PTPN22: variants seen among roughly 807,000 people sequenced by gnomAD.
The protein encoded by PTPN22 is protein tyrosine phosphatase non-receptor type 22.
In PTPN22, 85 loss-of-function variants were observed where a neutral mutation model predicts 103.3. The ratio of observed to expected loss-of-function variants is 0.82; its 90% CI spans 0.69 to 0.99. The LOEUF (loss-of-function observed/expected upper bound fraction) is 0.99, where lower values mean the gene tolerates loss of function less well. Among genes scored for constraint, PTPN22 ranks in the 50% least tolerant of loss-of-function variants. PTPN22 has a pLI of 0.00. For synonymous variants in PTPN22, 323 were observed against 310.2 expected (o/e 1.04, Z -0.43); for missense variants, 865 against 936.9 (o/e 0.92, Z 1.00).
chr1:113,821,329 T>G (rs1407311908), intron 19 of PTPN22, among the ~76,000 whole-genome samples: 2 of 151,926 alleles, frequency 1.3e-5, no homozygotes, highest in African/African-American at 2.4e-5. Flanking sequence ...TTGTTTGTTT[T>G]GGGGTTTTTT....
intron 4 of PTPN22, 63 bp from the exon 5 acceptor site, chr1:113,857,839 A>T: frequency 2.1e-6 from 3 of 1,433,564 alleles, no homozygotes; most frequent in Admixed American, 3.9e-5. Flanking sequence ...CAGTTAATAC[A>T]TGGATCCCAG....
chr1:113,845,673 C>T (rs1244651085), intron 11 of PTPN22, among the ~76,000 whole-genome samples: 1 of 152,060 alleles, frequency 6.6e-6, no homozygotes, highest in Non-Finnish European at 1.5e-5. Context: ...TTGAGTTCAC[C>T]TATATCCTTG....
intron 11 of PTPN22, among the ~76,000 whole-genome samples, chr1:113,843,108 A>AAAAAAAAAAAAAAAAAAAG (rs1351001407): frequency 2.7e-5 from 4 of 146,088 alleles, no homozygotes; most frequent in Non-Finnish European, 6.0e-5. Context: ...TCAAAAAAAA[A>AAAAAAAAAAAAAAAAAAAG]AAAAAAGAAA....
intron 18 of PTPN22, among the ~76,000 whole-genome samples, chr1:113,826,659 ATTTTTTTTTTTT>A (rs10563752): frequency 6.3e-5 from 4 of 63,098 alleles, no homozygotes; most frequent in South Asian, 8.6e-4. Context: ...GGAGTCTCTA[ATTTTTTTTTTTT>A]TTTTTTTTTT....
intron 11 of PTPN22, among the ~76,000 whole-genome samples, chr1:113,842,721 G>A (rs1467281450): frequency 6.6e-6 from 1 of 152,004 alleles, no homozygotes; most frequent in Non-Finnish European, 1.5e-5. Context: ...TGTTGGCCAG[G>A]ATGTAGAGAA....
At chr1:113,863,511 T>G (rs1407109829) in intron 1 of PTPN22, among the ~76,000 whole-genome samples, 1 of 152,222 alleles carries the variant, frequency 6.6e-6, no homozygotes, top group Middle Eastern at 3.2e-3. Context: ...ATACATTTAT[T>G]CTGGTGGTGG....
chr1:113,847,833 A>G (rs955895882), intron 11 of PTPN22, among the ~76,000 whole-genome samples: 1 of 151,622 alleles, frequency 6.6e-6, no homozygotes, highest in Non-Finnish European at 1.5e-5. Context: ...CAGCCTGGTC[A>G]ATATGGCAAA....
At chr1:113,816,682 G>C (rs1184144053) in intron 20 of PTPN22, among the ~76,000 whole-genome samples, 1 of 152,144 alleles carries the variant, frequency 6.6e-6, no homozygotes, top group Non-Finnish European at 1.5e-5. Context: ...GCTGAGGTGA[G>C]TGGATCACCT....
intron 19 of PTPN22, chr1:113,823,184 C>G (rs763679624): frequency 1.3e-5 from 2 of 152,170 alleles, no homozygotes; most frequent in African/African-American, 4.8e-5. Flanking sequence ...TTCTGTTCAC[C>G]ATCATATACC....
Position 113,819,557 on chromosome 1 carries a change from C to G in PTPN22, c.2359+20G>C, listed in dbSNP as rs758667717. 1 of 1,547,294 alleles carries G rather than the reference C, an allele frequency of 6.5e-7. No homozygotes were observed. The highest frequency in any genetic ancestry group is 8.9e-7 in the Non-Finnish European group (1 of 1,127,910). On this transcript the variant is annotated intron_variant, in intron 20 of 20. Transcript: ENST00000359785. ...AATTTAGGTAATTTTTTTAACTCTTCAGTAAAATAACACACATACCAAAAT... is the reference window on the plus strand; with the variant it reads ...AATTTAGGTAATTTTTTTAACTCTTGAGTAAAATAACACACATACCAAAAT...
intron 10 of PTPN22, among the ~76,000 whole-genome samples, chr1:113,850,827 TGTAA>T (rs1201867672): frequency 2.6e-5 from 4 of 152,258 alleles, no homozygotes; most frequent in Non-Finnish European, 2.9e-5. Flanking sequence ...CATCTTCATT[TGTAA>T]GTGTTTTAAA....
At chr1:113,856,232 C>A in intron 7 of PTPN22, 150 bp downstream of exon 7, 1 of 1,194,976 alleles carries the variant, frequency 8.4e-7, no homozygotes, top group Non-Finnish European at 1.1e-6. Flanking sequence ...CGGCCAGGCT[C>A]AAAGTTCTCT....
intron 20 of PTPN22, among the ~76,000 whole-genome samples, chr1:113,816,688 C>T (rs1661180200): frequency 6.6e-6 from 1 of 152,094 alleles, no homozygotes; most frequent in South Asian, 2.1e-4. Flanking sequence ...GTGAGTGGAT[C>T]ACCTGAGGTC....
At chr1:113,860,525 T>TTTTG (rs747910873) in intron 1 of PTPN22, among the ~76,000 whole-genome samples, 73 of 152,282 alleles carry the variant, frequency 4.8e-4, no homozygotes, top group Non-Finnish European at 9.6e-4. Flanking sequence ...ACTGATATCT[T>TTTTG]TTTGTTTGTT....
At chr1:113,834,229 A>G in intron 15 of PTPN22, 80 bp downstream of exon 15, 5 of 1,376,580 alleles carry the variant, frequency 3.6e-6, no homozygotes, top group Non-Finnish European at 5.1e-6. Context: ...GATTTATTGA[A>G]TGATGGGTGT....
intron 1 of PTPN22, among the ~76,000 whole-genome samples, chr1:113,870,412 G>A (rs1484396622): frequency 6.6e-6 from 1 of 152,170 alleles, no homozygotes; most frequent in Non-Finnish European, 1.5e-5. Flanking sequence ...AACGCCAGCT[G>A]TAAGCATTCT....
At chr1:113,849,273 A>C (rs1485183773) in intron 10 of PTPN22, among the ~76,000 whole-genome samples, 1 of 152,248 alleles carries the variant, frequency 6.6e-6, no homozygotes, top group Non-Finnish European at 1.5e-5. Context: ...AAACCACTAA[A>C]TAAGGTTTTG....
At chr1:113,829,782 G>A in intron 17 of PTPN22, 75 bp from the exon 18 acceptor site, 1 of 1,244,574 alleles carries the variant, frequency 8.0e-7, no homozygotes, top group Non-Finnish European at 1.1e-6. Flanking sequence ...ATAATAAATT[G>A]TTAGCTTGGC....
At chr1:113,815,718 G>A (rs1353002636) in intron 20 of PTPN22, among the ~76,000 whole-genome samples, 2 of 152,044 alleles carry the variant, frequency 1.3e-5, no homozygotes, top group Admixed American at 6.5e-5. Context: ...TTGCTCTGTC[G>A]CCCAGGCTGG....
Sources: allele counts gnomAD v4.1 joint callset (sites outside exome capture counted in the v4.1 genomes callset), GRCh38; gene constraint gnomAD v4.1.1; transcripts MANE v1.5; gene names NCBI Gene and HGNC (gene_info 2026-07-23, HGNC 2026-07-21).